The following PREP variants were observed in gnomAD, a reference collection of about 807,000 sequenced individuals.
The protein encoded by PREP is dJ355L5.1 (prolyl endopeptidase).
A neutral mutation model predicts 87.6 loss-of-function variants in PREP; 29 were observed. The observed-to-expected ratio is 0.33, with a 90% CI of 0.25 to 0.45. PREP has a LOEUF of 0.45. PREP is among the 20% of genes least tolerant of loss of function. The probability of loss-of-function intolerance (pLI) is 1.00; values close to 1 mark genes in which losing one functional copy is unlikely to be tolerated. For synonymous variants in PREP, 337 were observed against 328.6 expected (o/e 1.03, Z -0.28); for missense variants, 695 against 886.5 (o/e 0.78, Z 2.74).
intron 1 of PREP, among the ~76,000 whole-genome samples, chr6:105,399,058 GACA>G (rs1448046008): frequency 6.6e-6 from 1 of 150,932 alleles, no homozygotes; most frequent in African/African-American, 2.4e-5. Context: ...AGTGAGCTGA[GACA>G]ACGCCTATTG....
chr6:105,323,909 G>A (rs1291405943), intron 9 of PREP, 141 bp from the exon 10 acceptor site: 2 of 713,856 alleles, frequency 2.8e-6, no homozygotes, highest in African/African-American at 1.8e-5. Context: ...CACCACAGTC[G>A]AAGGCTCACT....
intron 8 of PREP, among the ~76,000 whole-genome samples, chr6:105,331,600 C>T (rs972947519): frequency 6.6e-6 from 1 of 152,194 alleles, no homozygotes; most frequent in South Asian, 2.1e-4. Context: ...AGTGCTGTAC[C>T]TGGCATGCAG....
At chr6:105,306,140 G>A (rs1770649750) in intron 10 of PREP, among the ~76,000 whole-genome samples, 1 of 151,946 alleles carries the variant, frequency 6.6e-6, no homozygotes, top group African/African-American at 2.4e-5. Context: ...ACCTTGCCCA[G>A]CCCTATATAT....
Position 105,386,044 on chromosome 6 carries a change from AG to A in PREP, c.121-8526del, listed in dbSNP as rs1253939137. On this transcript the variant is annotated intron_variant, in intron 2 of 14. Coordinates refer to ENST00000652536, the MANE Select transcript of PREP (RefSeq NM_002726.5). ...CTGAGGCAGGAGAATTGCCTGAACC[AG>A]GGAGTCAGAGATTGCAGTGAGCCGA... is the stretch of plus-strand genomic sequence containing the variant. 3.9e-5 allele frequency among the ~76,000 whole-genome samples: 6 copies of A among 152,182 alleles called. No homozygotes were observed. The East Asian group carries it at 5.8e-4, about 15-fold the overall frequency.
chr6:105,362,676 T>C (rs963447260), intron 6 of PREP, among the ~76,000 whole-genome samples: 6 of 152,340 alleles, frequency 3.9e-5, no homozygotes, highest in African/African-American at 1.4e-4. Flanking sequence ...TTCCCAACCA[T>C]GCTGCTGAGA....
At chr6:105,300,348 A>G (rs1770507125) in intron 10 of PREP, among the ~76,000 whole-genome samples, 1 of 152,218 alleles carries the variant, frequency 6.6e-6, no homozygotes, top group South Asian at 2.1e-4. Flanking sequence ...TACCATCTTG[A>G]AGACAGATTA....
chr6:105,382,985 C>T (rs1357470227), intron 2 of PREP, among the ~76,000 whole-genome samples: 1 of 152,156 alleles, frequency 6.6e-6, no homozygotes, highest in Non-Finnish European at 1.5e-5. Context: ...GGGCGGCACA[C>T]TTGGATCCCC....
intron 2 of PREP, among the ~76,000 whole-genome samples, chr6:105,396,053 G>A (rs1201532043): frequency 6.6e-6 from 1 of 152,194 alleles, no homozygotes; most frequent in Non-Finnish European, 1.5e-5. Flanking sequence ...AGACTTACCT[G>A]CAGAGCTACA....
chr6:105,358,437 A>G (rs753672379), intron 6 of PREP, among the ~76,000 whole-genome samples: 9 of 152,230 alleles, frequency 5.9e-5, no homozygotes, highest in Non-Finnish European at 8.8e-5. Context: ...AGAAAGTACT[A>G]ACATCTGTAT....
chr6:105,303,708 G>C (rs1383218756), intron 10 of PREP, among the ~76,000 whole-genome samples: 1 of 152,130 alleles, frequency 6.6e-6, no homozygotes, highest in Non-Finnish European at 1.5e-5. Flanking sequence ...CTCTCTGTTA[G>C]AAAGTTATTC....
In PREP at chr6:105,315,493, C is replaced by T. The variant is rs1562196378; in HGVS notation, c.1317+8172G>A. On this transcript the variant is annotated intron_variant, in intron 10 of 14. Transcript: ENST00000652536. Reference sequence around the variant, plus strand: ...GCTAATTTAGCACAATTCTTAAGGGCCCTAGGATTTTAAGAATGGTAAATG... The same window carrying T: ...GCTAATTTAGCACAATTCTTAAGGGTCCTAGGATTTTAAGAATGGTAAATG... Among the ~76,000 whole-genome samples, 4 of 152,056 alleles carry T rather than the reference C, an allele frequency of 2.6e-5. No homozygotes were observed. In the East Asian group the frequency reaches 7.7e-4, roughly 29 times the overall value.
intron 6 of PREP, among the ~76,000 whole-genome samples, chr6:105,367,574 A>G (rs1772418932): frequency 6.6e-6 from 1 of 150,888 alleles, no homozygotes; most frequent in Non-Finnish European, 1.5e-5. Context: ...TGGGAGGCTG[A>G]GGCAGGAGAA....
intron 9 of PREP, 140 bp downstream of exon 9, chr6:105,328,689 T>C (rs1442939284): frequency 1.1e-6 from 1 of 871,942 alleles, no homozygotes; most frequent in Non-Finnish European, 1.8e-6. Flanking sequence ...GTTCTACCGT[T>C]TTATTCCCAT....
At chr6:105,368,664 A>C (rs1388000177) in intron 6 of PREP, among the ~76,000 whole-genome samples, 1 of 152,188 alleles carries the variant, frequency 6.6e-6, no homozygotes, top group East Asian at 1.9e-4. Context: ...ACTAGAAGTA[A>C]AATTACTTTT....
At chr6:105,377,591 T>A (rs1484675085) in intron 2 of PREP, 72 bp from the exon 3 acceptor site, 1 of 1,519,068 alleles carries the variant, frequency 6.6e-7, no homozygotes, top group African/African-American at 1.4e-5. Flanking sequence ...TCCACTAATA[T>A]GTATCAGAAA....
At chr6:105,282,715 A>T (rs1157416982) in intron 12 of PREP, 133 bp from the exon 13 acceptor site, 7 of 950,796 alleles carry the variant, frequency 7.4e-6, no homozygotes, top group South Asian at 1.9e-5. Flanking sequence ...CACTGCATTT[A>T]AAAAAAAGCC....
chr6:105,382,321 T>C (rs1772866178), intron 2 of PREP, among the ~76,000 whole-genome samples: 1 of 137,192 alleles, frequency 7.3e-6, no homozygotes, highest in Non-Finnish European at 1.6e-5. Context: ...ACAAAGTATG[T>C]GAGGTAATTA....
chr6:105,281,984 C>A, intron 13 of PREP, 82 bp from the exon 14 acceptor site: 1 of 1,494,506 alleles, frequency 6.7e-7, no homozygotes, highest in Non-Finnish European at 9.0e-7. Flanking sequence ...TACTTACTTA[C>A]ATGCTTCCAG....
In PREP at chr6:105,273,232, CTTTA is replaced by C. The variant is rs1769863262; in HGVS notation, c.*4908_*4911del. ...AGAAAGGGTCATTGCTCTTTTTTCTCTTTATTTCACTACCAGAGATTATTTCGAT... is the reference window on the plus strand; with the variant it reads ...AGAAAGGGTCATTGCTCTTTTTTCTCTTTCACTACCAGAGATTATTTCGAT... On this transcript the variant is annotated 3_prime_UTR_variant, in exon 15 of 15. Coordinates refer to ENST00000652536, the MANE Select transcript of PREP (RefSeq NM_002726.5). 1 of 152,118 alleles carries C rather than the reference CTTTA, an allele frequency of 6.6e-6. No homozygotes were observed. Among genetic ancestry groups the C allele is most frequent in the Non-Finnish European group, 1.5e-5 (1 of 68,004 alleles). The allele number at this position is 152,118 out of a possible 1,614,324, so 9.4% of individuals were successfully genotyped here.
Sources: gnomAD v4.1 joint callset for allele counts (sites outside exome capture counted in the v4.1 genomes callset) on GRCh38, gnomAD v4.1.1 for gene constraint, MANE v1.5 for transcripts, NCBI Gene and HGNC (gene_info 2026-07-23, HGNC 2026-07-21) for gene names.